F13A1: variants seen among roughly 807,000 people sequenced by gnomAD.
The protein encoded by F13A1 is coagulation factor XIII A chain.
In F13A1, 47 loss-of-function variants were observed where a neutral mutation model predicts 80.1. The observed-to-expected ratio is 0.59, with a 90% confidence interval of 0.46 to 0.75. The LOEUF (loss-of-function observed/expected upper bound fraction) is 0.75, where lower values mean the gene tolerates loss of function less well. F13A1 is among the 30% of genes least tolerant of loss of function. The pLI, the probability that F13A1 is intolerant of heterozygous loss-of-function variation, is 0.00. For synonymous variants in F13A1, 349 were observed against 344.9 expected (o/e 1.01, Z -0.13); for missense variants, 817 against 930.4 (o/e 0.88, Z 1.59).
chr6:6,222,210 G>C (rs1455737161), intron 7 of F13A1, 39 bp from the exon 8 acceptor site: 1 of 1,613,118 alleles, frequency 6.2e-7, no homozygotes, highest in Non-Finnish European at 8.5e-7. Flanking sequence ...CACATCACCA[G>C]CATTTAATAA....
At position 6,267,985 on chromosome 6, in the gene F13A1, T is replaced by TA. The variant is rs1561673634; in HGVS notation, c.320-1177dup. ...ATCACTAGTTTCCACTGTTACACTT[T>TA]AAATTAAGACTTCAAAGACTCATAT... is the stretch of plus-strand genomic sequence containing the variant. On this transcript the variant is annotated intron_variant, in intron 3 of 14. Transcript: ENST00000264870. Among the ~76,000 whole-genome samples the TA allele has an allele frequency of 5.9e-5, 9 of 152,358 alleles. No homozygotes were observed. In the South Asian group the frequency reaches 1.9e-3, roughly 32 times the overall value.
intron 6 of F13A1, among the ~76,000 whole-genome samples, chr6:6,228,980 A>G (rs912808145): frequency 6.6e-6 from 1 of 152,152 alleles, no homozygotes; most frequent in Non-Finnish European, 1.5e-5. Flanking sequence ...GACCCTAAGC[A>G]TGATACCAAA....
intron 11 of F13A1, among the ~76,000 whole-genome samples, chr6:6,179,683 A>G (rs896328882): frequency 1.3e-5 from 2 of 152,156 alleles, no homozygotes; most frequent in African/African-American, 4.8e-5. Flanking sequence ...TTAAGAAACT[A>G]TCCACTTGGG....
chr6:6,278,416 C>G (rs1758016984), intron 3 of F13A1, among the ~76,000 whole-genome samples: 1 of 152,138 alleles, frequency 6.6e-6, no homozygotes, highest in Admixed American at 6.5e-5. Flanking sequence ...GTGCAAATAT[C>G]AGGGGACAGG....
intron 12 of F13A1, among the ~76,000 whole-genome samples, chr6:6,174,130 C>T (rs1173995352): frequency 6.6e-6 from 1 of 151,858 alleles, no homozygotes; most frequent in Non-Finnish European, 1.5e-5. Context: ...TGGCTGACGC[C>T]TATAATTCCA....
intron 3 of F13A1, among the ~76,000 whole-genome samples, chr6:6,296,696 G>T (rs1758333632): frequency 1.4e-5 from 2 of 146,966 alleles, no homozygotes; most frequent in Admixed American, 1.3e-4. Flanking sequence ...CTGCAAACAG[G>T]GACAATTTGA....
At chr6:6,316,223 ACTTAT>A (rs1186674962) in intron 2 of F13A1, among the ~76,000 whole-genome samples, 2 of 145,628 alleles carry the variant, frequency 1.4e-5, no homozygotes, top group Non-Finnish European at 3.0e-5. Flanking sequence ...AGCATGTAAC[ACTTAT>A]CTTGTCTGTG....
At chr6:6,318,012 C>T (rs1758709513) in intron 2 of F13A1, among the ~76,000 whole-genome samples, 1 of 152,178 alleles carries the variant, frequency 6.6e-6, no homozygotes, top group South Asian at 2.1e-4. Flanking sequence ...TGCCAGCTCA[C>T]CAGGCTGCTC....
intron 5 of F13A1, among the ~76,000 whole-genome samples, chr6:6,249,600 T>C (rs972499601): frequency 8.5e-5 from 13 of 152,178 alleles, no homozygotes; most frequent in African/African-American, 3.1e-4. Flanking sequence ...TGACTGGGCT[T>C]GGGACACTTT....
intron 6 of F13A1, among the ~76,000 whole-genome samples, chr6:6,229,051 A>G (rs1003128458): frequency 1.1e-4 from 16 of 152,228 alleles, no homozygotes; most frequent in Non-Finnish European, 2.2e-4. Context: ...ACTGAAGAGT[A>G]GATAGAATGT....
intron 8 of F13A1, among the ~76,000 whole-genome samples, chr6:6,211,763 G>A (rs1761616178): frequency 6.6e-6 from 1 of 152,232 alleles, no homozygotes; most frequent in African/African-American, 2.4e-5. Context: ...TCCATCTGAG[G>A]TACCGGGTTC....
At chr6:6,170,132 G>C (rs910503083) in intron 12 of F13A1, among the ~76,000 whole-genome samples, 2 of 152,188 alleles carry the variant, frequency 1.3e-5, no homozygotes, top group Non-Finnish European at 2.9e-5. Context: ...AGATAGAATG[G>C]ATGAAGTGGC....
At chr6:6,278,812 G>A (rs1758023811) in intron 3 of F13A1, among the ~76,000 whole-genome samples, 1 of 152,186 alleles carries the variant, frequency 6.6e-6, no homozygotes, top group Non-Finnish European at 1.5e-5. Context: ...GGGCTTTGTA[G>A]GACTTTGGAT....
chr6:6,173,277 A>G (rs1403528350), intron 12 of F13A1, among the ~76,000 whole-genome samples: 1 of 152,152 alleles, frequency 6.6e-6, no homozygotes, highest in African/African-American at 2.4e-5. Flanking sequence ...GAGTTTTTAC[A>G]GTGATGAAAA....
chr6:6,191,508 T>C (rs779525708), intron 10 of F13A1, among the ~76,000 whole-genome samples: 61 of 152,306 alleles, frequency 4.0e-4, no homozygotes, highest in Non-Finnish European at 7.9e-4. Context: ...CATAGTAGCC[T>C]CTACCATTGG....
In F13A1 at chr6:6,311,050, A is replaced by T. The variant is rs202130245; in HGVS notation, c.131-5511T>A. On this transcript the variant is annotated intron_variant, in intron 2 of 14. Transcript: ENST00000264870. ...AGGAAACATCTGTCTTTTTTTTTTT[A>T]AAAAAAAGTATCATTGTCTCTTTGT... is the stretch of plus-strand genomic sequence containing the variant. Among the ~76,000 whole-genome samples, 276 of 149,584 alleles carry T rather than the reference A, an allele frequency of 1.8e-3. 1 individual carries two copies. Among genetic ancestry groups the T allele is most frequent in the East Asian group, 8.8e-3 (45 of 5,114 alleles).
At chr6:6,181,424 T>C (rs991290456) in intron 11 of F13A1, among the ~76,000 whole-genome samples, 1 of 152,198 alleles carries the variant, frequency 6.6e-6, no homozygotes, top group Non-Finnish European at 1.5e-5. Context: ...AAACATTCTA[T>C]GCAATAAAAG....
chr6:6,260,325 G>A (rs1757761245), intron 4 of F13A1, among the ~76,000 whole-genome samples: 1 of 152,206 alleles, frequency 6.6e-6, no homozygotes, highest in African/African-American at 2.4e-5. Context: ...AATAAGTGCT[G>A]TGCATGCTGC....
intron 6 of F13A1, among the ~76,000 whole-genome samples, chr6:6,242,604 T>C (rs1304573660): frequency 6.6e-6 from 1 of 152,056 alleles, no homozygotes; most frequent in Non-Finnish European, 1.5e-5. Flanking sequence ...CAGAATACCA[T>C]GGATCAAGTA....
Sources: allele counts gnomAD v4.1 joint callset (sites outside exome capture counted in the v4.1 genomes callset), GRCh38; gene constraint gnomAD v4.1.1; transcripts MANE v1.5; gene names NCBI Gene and HGNC (gene_info 2026-07-23, HGNC 2026-07-21).